NCKAP5: variants seen among roughly 807,000 people sequenced by gnomAD.
The protein encoded by NCKAP5 is NCK associated protein 5, also known as nck-associated protein 5.
NCKAP5 carries 92 observed loss-of-function variants against 167.0 expected under a neutral mutation model. The observed-to-expected ratio is 0.55, with a 90% CI of 0.47 to 0.66. NCKAP5 has a LOEUF of 0.66. Among genes scored for constraint, NCKAP5 ranks in the 30% least tolerant of loss-of-function variants. NCKAP5 has a pLI of 0.00. For missense variants in NCKAP5, 2,378 were observed against 2,315.0 expected (o/e 1.03, Z -0.56); for synonymous variants, 891 against 877.4 (o/e 1.02, Z -0.27).
intron 4 of NCKAP5, among the ~76,000 whole-genome samples, chr2:133,252,039 C>T (rs2088369098): frequency 1.3e-5 from 2 of 152,134 alleles, no homozygotes; most frequent in South Asian, 4.1e-4. Context: ...AATAATATTT[C>T]ACAGACCTTT....
intron 8 of NCKAP5, among the ~76,000 whole-genome samples, chr2:132,880,776 G>A (rs1380108158): frequency 6.6e-6 from 1 of 152,054 alleles, no homozygotes; most frequent in Non-Finnish European, 1.5e-5. Flanking sequence ...AAAACAAAAA[G>A]GATAGCATTA....
At chr2:133,469,386 A>T (rs1369831331) in intron 3 of NCKAP5, among the ~76,000 whole-genome samples, 3 of 152,022 alleles carry the variant, frequency 2.0e-5, no homozygotes, top group African/African-American at 7.2e-5. Flanking sequence ...ATCCGCTGTT[A>T]GTCTTATGGG....
the NCKAP5 span, among the ~76,000 whole-genome samples, chr2:133,595,683 C>G: frequency 6.6e-6 from 1 of 152,114 alleles, no homozygotes; most frequent in East Asian, 2.0e-4. Context: ...GGTTACCAAA[C>G]TGTTTCTGTA....
chr2:133,143,202 C>T (rs372121666), intron 5 of NCKAP5, among the ~76,000 whole-genome samples: 28 of 151,922 alleles, frequency 1.8e-4, no homozygotes, highest in African/African-American at 6.5e-4. Flanking sequence ...TCAACATGCA[C>T]AAAGAAAATG....
intron 6 of NCKAP5, among the ~76,000 whole-genome samples, chr2:133,078,586 A>G (rs1017355869): frequency 1.3e-5 from 2 of 152,134 alleles, no homozygotes; most frequent in African/African-American, 2.4e-5. Flanking sequence ...GACTCAATAC[A>G]GTGTGAGAGT....
intron 2 of NCKAP5, among the ~76,000 whole-genome samples, chr2:133,523,141 T>G (rs1684612085): frequency 6.6e-6 from 1 of 151,584 alleles, no homozygotes; most frequent in African/African-American, 2.4e-5. Context: ...CAGTTAGTAA[T>G]GGCCTTTTCA....
At chr2:133,163,036 A>G (rs2083862625) in intron 5 of NCKAP5, among the ~76,000 whole-genome samples, 1 of 152,230 alleles carries the variant, frequency 6.6e-6, no homozygotes, top group African/African-American at 2.4e-5. Context: ...GTTGCATGTC[A>G]GCAAATGGGG....
intron 3 of NCKAP5, among the ~76,000 whole-genome samples, chr2:133,418,548 G>A (rs1689268757): frequency 6.6e-6 from 1 of 152,156 alleles, no homozygotes; most frequent in Non-Finnish European, 1.5e-5. Flanking sequence ...AGAAGGATCA[G>A]GGGACAAACG....
At chr2:133,077,233 C>T (rs1247161414) in intron 6 of NCKAP5, among the ~76,000 whole-genome samples, 2 of 152,158 alleles carry the variant, frequency 1.3e-5, no homozygotes, top group African/African-American at 2.4e-5. Context: ...TGAATACATA[C>T]TAACAAGCAC....
intron 8 of NCKAP5, among the ~76,000 whole-genome samples, chr2:132,920,323 C>T (rs1411746505): frequency 3.3e-5 from 5 of 152,030 alleles, no homozygotes; most frequent in African/African-American, 1.2e-4. Flanking sequence ...ACAACACATT[C>T]CACAGAGGAG....
At chr2:133,052,854 A>T (rs1240745095) in intron 6 of NCKAP5, among the ~76,000 whole-genome samples, 1 of 152,234 alleles carries the variant, frequency 6.6e-6, no homozygotes, top group Non-Finnish European at 1.5e-5. Context: ...AATGTAGAAC[A>T]TTCAACAAAT....
chr2:132,757,565 A>G (rs1376541793), intron 16 of NCKAP5, among the ~76,000 whole-genome samples: 1 of 152,184 alleles, frequency 6.6e-6, no homozygotes, highest in Non-Finnish European at 1.5e-5. Context: ...ATTTCATTAA[A>G]CAACTCAATT....
At chr2:133,169,197 C>G (rs2084132788) in intron 5 of NCKAP5, among the ~76,000 whole-genome samples, 1 of 152,134 alleles carries the variant, frequency 6.6e-6, no homozygotes, top group Admixed American at 6.5e-5. Flanking sequence ...CTTAAAATGC[C>G]AAAGTACACT....
At chr2:133,627,175 T>C in the NCKAP5 span, among the ~76,000 whole-genome samples, 5 of 152,072 alleles carry the variant, frequency 3.3e-5, no homozygotes, top group African/African-American at 4.8e-5. Context: ...TAATGGTTAA[T>C]GTTATTTCTT....
At chr2:132,890,163 C>T (rs1284699044) in intron 8 of NCKAP5, among the ~76,000 whole-genome samples, 1 of 152,150 alleles carries the variant, frequency 6.6e-6, no homozygotes, top group Non-Finnish European at 1.5e-5. Context: ...GGTTTGGCCC[C>T]ATAGGTAAGA....
intron 3 of NCKAP5, among the ~76,000 whole-genome samples, chr2:133,369,696 C>G (rs369244886): frequency 6.6e-6 from 1 of 152,208 alleles, no homozygotes; most frequent in South Asian, 2.1e-4. Flanking sequence ...CATAAACAAG[C>G]AAAATTCATC....
At chr2:133,668,028 A>G in the NCKAP5 span, among the ~76,000 whole-genome samples, 86 of 152,192 alleles carry the variant, frequency 5.7e-4, 2 homozygotes, top group Admixed American at 1.6e-3. Flanking sequence ...ATGGAATTAT[A>G]CAATATGTGA....
chr2:132,816,997 TACA>T (rs1686326451), intron 11 of NCKAP5, among the ~76,000 whole-genome samples: 1 of 152,316 alleles, frequency 6.6e-6, no homozygotes, highest in East Asian at 1.9e-4. Flanking sequence ...TAAGTATAAT[TACA>T]ACTGTTATTA....
chr2:133,427,009 C>T (rs1312505093), intron 3 of NCKAP5, among the ~76,000 whole-genome samples: 2 of 152,134 alleles, frequency 1.3e-5, no homozygotes. Flanking sequence ...CAAATTTTCC[C>T]TGCAGCATTT....
Sources: gnomAD v4.1 joint callset for allele counts (sites outside exome capture counted in the v4.1 genomes callset) on GRCh38, gnomAD v4.1.1 for gene constraint, MANE v1.5 for transcripts, NCBI Gene and HGNC (gene_info 2026-07-23, HGNC 2026-07-21) for gene names.